Variants in HIRA observed in about 807,000 individuals in gnomAD.
The protein encoded by HIRA is protein HIRA.
In HIRA, 13 loss-of-function variants were observed where a neutral mutation model predicts 126.6. That is an observed-to-expected ratio of 0.10 (90% CI 0.07 to 0.16). The LOEUF is 0.16. Ranked by LOEUF, HIRA falls within the 10% of genes least tolerant of loss-of-function variation. The pLI, the probability that HIRA is intolerant of heterozygous loss-of-function variation, is 1.00. For synonymous variants in HIRA, 511 were observed against 520.0 expected (o/e 0.98, Z 0.24); for missense variants, 834 against 1,314.4 (o/e 0.63, Z 5.65).
chr22:19,409,428 C>T (rs959447608), intron 2 of HIRA, among the ~76,000 whole-genome samples: 9 of 152,026 alleles, frequency 5.9e-5, no homozygotes, highest in African/African-American at 2.2e-4. Context: ...GGATTACAGG[C>T]GAACACCATG....
intron 24 of HIRA, among the ~76,000 whole-genome samples, chr22:19,346,631 C>A (rs961298984): frequency 4.5e-4 from 69 of 152,158 alleles, no homozygotes; most frequent in Non-Finnish European, 7.9e-4. Flanking sequence ...GAGGTGGGTG[C>A]CCAAGTGATT....
chr22:19,349,705 G>A (rs1321442760), intron 24 of HIRA, among the ~76,000 whole-genome samples: 9 of 152,194 alleles, frequency 5.9e-5, no homozygotes, highest in Admixed American at 1.3e-4. Flanking sequence ...AAAGTACCTA[G>A]TCAATTAAGG....
chr22:19,402,089 C>T (rs2089273614), intron 5 of HIRA, among the ~76,000 whole-genome samples: 1 of 152,164 alleles, frequency 6.6e-6, no homozygotes, highest in Non-Finnish European at 1.5e-5. Context: ...CATCTCCTCA[C>T]TGGCCCCCAG....
intron 1 of HIRA, among the ~76,000 whole-genome samples, chr22:19,425,428 G>C (rs978540734): frequency 6.6e-5 from 10 of 152,174 alleles, no homozygotes; most frequent in African/African-American, 2.4e-4. Context: ...TCTGGGGAAA[G>C]GGAGGGGTCA....
chr22:19,339,719 A>C (rs1328915227), intron 24 of HIRA, among the ~76,000 whole-genome samples: 4 of 152,164 alleles, frequency 2.6e-5, no homozygotes, highest in Non-Finnish European at 5.9e-5. Flanking sequence ...AATAGAAAAG[A>C]TCATTCAAGA....
At chr22:19,374,565 T>C (rs1690614175) in intron 15 of HIRA, among the ~76,000 whole-genome samples, 1 of 152,198 alleles carries the variant, frequency 6.6e-6, no homozygotes. Context: ...CCTCCCATGC[T>C]AGCTTCCAGG....
intron 12 of HIRA, 123 bp from the exon 13 acceptor site, chr22:19,383,828 G>C (rs2089099128): frequency 1.4e-6 from 1 of 705,202 alleles, no homozygotes; most frequent in Non-Finnish European, 2.4e-6. Context: ...CACCCTCTTA[G>C]CAAAGTTTTA....
intron 10 of HIRA, 103 bp from the exon 11 acceptor site, chr22:19,387,919 T>G: frequency 3.0e-6 from 1 of 332,484 alleles, no homozygotes. Context: ...TCTAGGGAGA[T>G]GCTGGAAACT....
intron 1 of HIRA, among the ~76,000 whole-genome samples, chr22:19,429,013 C>T (rs1030726988): frequency 2.6e-5 from 4 of 151,876 alleles, no homozygotes; most frequent in Admixed American, 2.0e-4. Flanking sequence ...TCCTCCAGGG[C>T]AGTGGTAATT....
chr22:19,423,470 C>G (rs1227428436), intron 1 of HIRA, among the ~76,000 whole-genome samples: 1 of 140,912 alleles, frequency 7.1e-6, no homozygotes, highest in Non-Finnish European at 1.5e-5. Flanking sequence ...CACACTGACT[C>G]ACACACATGC....
chr22:19,376,648 G>T (rs529574767), intron 14 of HIRA, among the ~76,000 whole-genome samples: 1 of 152,186 alleles, frequency 6.6e-6, no homozygotes, highest in Non-Finnish European at 1.5e-5. Flanking sequence ...TGGTCTTGCT[G>T]CTCAGTCTTC....
In HIRA at chr22:19,356,225, A is replaced by G. The variant is rs1556012514; in HGVS notation, c.2455+5T>C. On this transcript the variant is annotated splice_donor_5th_base_variant and intron_variant, in intron 20 of 24. Transcript: ENST00000263208. ...AGAGTAGGGACAGCCTGTTGCCTGC[A>G]TTACCTGCCAGGATGGAGTGTAGAG... 1 of 1,613,382 alleles carries G rather than the reference A, an allele frequency of 6.2e-7. No homozygotes were observed. The highest frequency in any genetic ancestry group is 8.5e-7 in the Non-Finnish European group (1 of 1,179,302).
Position 19,381,645 on chromosome 22 carries a change from AGCCTTTT to A in HIRA, c.1415+1968_1415+1974del, listed in dbSNP as rs565494078. 1.4e-4 allele frequency among the ~76,000 whole-genome samples: 22 copies of A among 152,350 alleles called. No individual in the cohort carries two copies. The South Asian group carries it at 4.6e-3, about 32-fold the overall frequency. ...AAACCTCACTTGGTCATGGTATATTAGCCTTTTAACAAGCAGTAAGGTTCTGTTTGTT... is the reference window on the plus strand; with the variant it reads ...AAACCTCACTTGGTCATGGTATATTAAACAAGCAGTAAGGTTCTGTTTGTT... On this transcript the variant is annotated intron_variant, in intron 13 of 24. Coordinates refer to ENST00000263208, the MANE Select transcript of HIRA (RefSeq NM_003325.4).
At chr22:19,394,119 A>G (rs573371816) in intron 8 of HIRA, among the ~76,000 whole-genome samples, 1 of 152,336 alleles carries the variant, frequency 6.6e-6, no homozygotes, top group African/African-American at 2.4e-5. Context: ...CACCCCAAGC[A>G]TACCTGAGTG....
chr22:19,379,247 C>A (rs1486858985), intron 13 of HIRA, among the ~76,000 whole-genome samples: 1 of 151,338 alleles, frequency 6.6e-6, no homozygotes, highest in Non-Finnish European at 1.5e-5. Flanking sequence ...CTCCTGACCT[C>A]GTGATCCGCC....
intron 2 of HIRA, among the ~76,000 whole-genome samples, chr22:19,410,383 C>T (rs2089342873): frequency 6.6e-6 from 1 of 152,162 alleles, no homozygotes; most frequent in Non-Finnish European, 1.5e-5. Context: ...GCTGACAGAG[C>T]CCTTGTCTCT....
At chr22:19,385,431 A>G in intron 12 of HIRA, 90 bp downstream of exon 12, 1 of 1,302,612 alleles carries the variant, frequency 7.7e-7, no homozygotes, top group Non-Finnish European at 1.1e-6. Flanking sequence ...ACTCTAAACA[A>G]ACCCCTTCCT....
rs1281288152 is a variant in HIRA at position 19,427,947 on chromosome 22, G to A, written c.37+3493C>T. 2.6e-5 allele frequency among the ~76,000 whole-genome samples: 4 copies of A among 152,134 alleles called. No homozygotes were observed. The East Asian group carries it at 5.8e-4, about 22-fold the overall frequency. On this transcript the variant is annotated intron_variant, in intron 1 of 24. Transcript: ENST00000263208. ...GGTCAATTCTAAAATAAAATATATA[G>A]AGAATACTGTATCCAAGAACACGAA...
intron 24 of HIRA, among the ~76,000 whole-genome samples, chr22:19,339,488 T>G (rs1300856399): frequency 6.6e-6 from 1 of 151,944 alleles, no homozygotes; most frequent in Non-Finnish European, 1.5e-5. Context: ...TAGAAAAAAA[T>G]TAGCTGGGTG....
Sources: gnomAD v4.1 joint callset for allele counts (sites outside exome capture counted in the v4.1 genomes callset) on GRCh38, gnomAD v4.1.1 for gene constraint, MANE v1.5 for transcripts, NCBI Gene and HGNC (gene_info 2026-07-23, HGNC 2026-07-21) for gene names.